Variants in GRTP1 observed in about 807,000 individuals in gnomAD.
The protein encoded by GRTP1 is growth hormone-regulated TBC protein 1.
Under a neutral mutation model 38.1 loss-of-function variants are expected in GRTP1, and 56 were observed. The ratio of observed to expected loss-of-function variants is 1.47; its 90% CI spans 1.19 to 1.84. The LOEUF is 1.84. Among genes scored for constraint, GRTP1 ranks in the 40% most tolerant of loss-of-function variants. The pLI is 0.00. For missense variants in GRTP1, 506 were observed against 453.9 expected, an observed-to-expected ratio of 1.11 and a Z score of -1.04; for synonymous variants, 217 against 189.5, an observed-to-expected ratio of 1.14 and a Z score of -1.19.
Position 113,324,193 on chromosome 13 carries a change from C to CA in GRTP1, c.*294dup. On this transcript the variant is annotated 3_prime_UTR_variant, in exon 8 of 8. Coordinates refer to ENST00000375431, the MANE Select transcript of GRTP1 (RefSeq NM_024719.4). ...TTCCAGTCAGCTGAGAAACTGATCACAAACACAGGTGTTGGCATACTTTAT... is the reference window on the plus strand; with the variant it reads ...TTCCAGTCAGCTGAGAAACTGATCACAAAACACAGGTGTTGGCATACTTTAT... The CA allele has an allele frequency of 2.8e-6, 1 of 359,748 alleles. No individual in the cohort carries two copies. Among genetic ancestry groups the CA allele is most frequent in the Non-Finnish European group, 4.9e-6 (1 of 204,192 alleles). The allele number at this position is 359,748 out of a possible 1,614,324, so 22.3% of individuals were successfully genotyped here.
At chr13:113,363,709 C>G in intron 2 of GRTP1, 53 bp downstream of exon 2, 7 of 1,402,768 alleles carry the variant, frequency 5.0e-6, no homozygotes, top group Middle Eastern at 2.6e-4. Context: ...CCCGGCCCGT[C>G]CCAGCCCAAC....
intron 5 of GRTP1, among the ~76,000 whole-genome samples, chr13:113,341,654 TTC>T (rs1360102344): frequency 6.6e-6 from 1 of 152,370 alleles, no homozygotes; most frequent in Middle Eastern, 3.4e-3. Context: ...TTATCTTTTC[TTC>T]TGTTTCTCTG....
intron 5 of GRTP1, among the ~76,000 whole-genome samples, chr13:113,332,143 C>G (rs531631667): frequency 6.6e-6 from 1 of 152,190 alleles, no homozygotes; most frequent in East Asian, 2.0e-4. Flanking sequence ...AAGAACTGCA[C>G]AAAGAACCCC....
At position 113,346,215 on chromosome 13, in the gene GRTP1, TCTGTGGCTGAGAACAGACCCGGGAGGAC is replaced by T. The variant is rs2043122918; in HGVS notation, c.466-1284_466-1257del. On this transcript the variant is annotated intron_variant, in intron 4 of 7. Coordinates refer to ENST00000375431, the MANE Select transcript of GRTP1 (RefSeq NM_024719.4). Reference sequence around the variant, plus strand: ...GGCTGAGAGCAGACCCGGGAGGACCTCTGTGGCTGAGAACAGACCCGGGAGGACCTCTGTGGCCGAGAGCAGATCCGGG... The same window carrying T: ...GGCTGAGAGCAGACCCGGGAGGACCTCTCTGTGGCCGAGAGCAGATCCGGG... Among the ~76,000 whole-genome samples, 24 of 132,664 alleles carry T rather than the reference TCTGTGGCTGAGAACAGACCCGGGAGGAC, an allele frequency of 1.8e-4. 1 individual carries two copies. The highest frequency in any genetic ancestry group is 4.0e-3 in the Middle Eastern group (1 of 252). The allele number at this position is 132,664 out of a possible 152,430, so 87.0% of individuals were successfully genotyped here.
intron 2 of GRTP1, among the ~76,000 whole-genome samples, chr13:113,356,307 G>GC (rs2139524060): frequency 6.6e-6 from 1 of 151,398 alleles, no homozygotes; most frequent in African/African-American, 2.4e-5. Flanking sequence ...TTGTTCTGTC[G>GC]CCCAGGCTGG....
In GRTP1 at chr13:113,349,414, A is replaced by G. The variant is rs2043222410; in HGVS notation, c.465+1435T>C. Among the ~76,000 whole-genome samples the G allele has an allele frequency of 6.6e-6, 1 of 152,244 alleles. No homozygotes were observed. Among genetic ancestry groups the G allele is most frequent in the Admixed American group, 6.5e-5 (1 of 15,274 alleles). Reference sequence around the variant, plus strand: ...CCACCTTGCCCAGGCTGGTGTATGCATTTTAATAAAGCTGTTTTTAAAACA... The same window carrying G: ...CCACCTTGCCCAGGCTGGTGTATGCGTTTTAATAAAGCTGTTTTTAAAACA... On this transcript the variant is annotated intron_variant, in intron 4 of 7. Coordinates refer to ENST00000375431, the MANE Select transcript of GRTP1 (RefSeq NM_024719.4). This position sits in a 1 kb window ranked among gnomAD's most constrained non-coding sequence, Gnocchi z 5.0.
At chr13:113,362,201 G>A (rs1031866250) in intron 2 of GRTP1, among the ~76,000 whole-genome samples, 8 of 131,332 alleles carry the variant, frequency 6.1e-5, no homozygotes, top group African/African-American at 2.2e-4. Flanking sequence ...GTAGTGGTGT[G>A]CACCTGTAAT....
chr13:113,347,995 C>G (rs1341104782), intron 4 of GRTP1, among the ~76,000 whole-genome samples: 2 of 147,512 alleles, frequency 1.4e-5, no homozygotes, highest in Admixed American at 1.4e-4. Context: ...CCTGGGAGGA[C>G]CTGTGTGGCT....
In GRTP1 at chr13:113,349,819, G is replaced by A. The variant is rs901031418; in HGVS notation, c.465+1030C>T. ...TCACTCAAACTGCATTTTCTGGTTG[G>A]TGCACGCCTGGCTCCCGGCTCCTAC... is the stretch of plus-strand genomic sequence containing the variant. On this transcript the variant is annotated intron_variant, in intron 4 of 7. Transcript: ENST00000375431. The surrounding 1 kb of genome is among the most constrained non-coding windows in gnomAD (Gnocchi z 5.0). Among the ~76,000 whole-genome samples, 1 of 152,180 alleles carries A rather than the reference G, an allele frequency of 6.6e-6. No individual in the cohort carries two copies. Among genetic ancestry groups the A allele is most frequent in the Non-Finnish European group, 1.5e-5 (1 of 68,038 alleles).
chr13:113,356,164 G>A (rs889503412), intron 2 of GRTP1, among the ~76,000 whole-genome samples: 24 of 152,158 alleles, frequency 1.6e-4, no homozygotes, highest in African/African-American at 5.8e-4. Flanking sequence ...TAAGTCCAAA[G>A]CTGCGACACT....
At position 113,343,667 on chromosome 13, in the gene GRTP1, C is replaced by T. The variant is rs1042259761; in HGVS notation, c.562+1196G>A. 1.3e-5 allele frequency among the ~76,000 whole-genome samples: 2 copies of T among 152,194 alleles called. No homozygotes were observed. Among genetic ancestry groups the T allele is most frequent in the African/African-American group, 4.8e-5 (2 of 41,446 alleles). ...TGGAAATGGGGTGGGTGACTGTGTC[C>T]GTGTGGTGTGGCTGTTCTGAGGACA... On this transcript the variant is annotated intron_variant, in intron 5 of 7. Transcript: ENST00000375431. The surrounding 1 kb of genome is among the most constrained non-coding windows in gnomAD (Gnocchi z 4.8).
At chr13:113,339,681 C>T (rs2043000693) in intron 5 of GRTP1, 1 of 152,304 alleles carries the variant, frequency 6.6e-6, no homozygotes, top group Non-Finnish European at 1.5e-5. Flanking sequence ...TTCCATTGGT[C>T]TGTTTATCCA....
Position 113,342,617 on chromosome 13 carries a change from G to T in GRTP1, c.562+2246C>A, listed in dbSNP as rs1566425489. Reference sequence around the variant, plus strand: ...AGCAGGATAACAGTGGCACTGAAACGACCTAGTTTGGGTAACTATAACTTC... The same window carrying T: ...AGCAGGATAACAGTGGCACTGAAACTACCTAGTTTGGGTAACTATAACTTC... On this transcript the variant is annotated intron_variant, in intron 5 of 7. Coordinates refer to ENST00000375431, the MANE Select transcript of GRTP1 (RefSeq NM_024719.4). The surrounding 1 kb of genome is among the most constrained non-coding windows in gnomAD (Gnocchi z 4.5). Among the ~76,000 whole-genome samples, 1 of 142,392 alleles carries T rather than the reference G, an allele frequency of 7.0e-6. No homozygotes were observed. The highest frequency in any genetic ancestry group is 1.5e-5 in the Non-Finnish European group (1 of 65,812). 93.4% of individuals were successfully genotyped at this position (142,392 alleles called of 152,430 possible).
At chr13:113,353,341 G>A (rs950894884) in intron 3 of GRTP1, among the ~76,000 whole-genome samples, 11 of 152,274 alleles carry the variant, frequency 7.2e-5, no homozygotes, top group South Asian at 2.1e-4. Context: ...CATAACAGCC[G>A]TGCGGCAGGA....
chr13:113,340,880 G>T (rs1257212056), intron 5 of GRTP1, among the ~76,000 whole-genome samples: 5 of 152,120 alleles, frequency 3.3e-5, no homozygotes, highest in Admixed American at 6.5e-5. Context: ...GTGTGTCCAT[G>T]CACACACCCA....
intron 7 of GRTP1, chr13:113,325,224 T>G: frequency 8.6e-7 from 1 of 1,156,818 alleles, no homozygotes; most frequent in Non-Finnish European, 1.1e-6. Flanking sequence ...CCACTCCCTC[T>G]TAGGAAACTA....
At chr13:113,326,196 C>G (rs1314139263) in intron 5 of GRTP1, 105 bp from the exon 6 acceptor site, 7 of 1,398,050 alleles carry the variant, frequency 5.0e-6, no homozygotes, top group African/African-American at 4.3e-5. Flanking sequence ...CTGGGAGGAC[C>G]CCTCCCAAGA....
intron 5 of GRTP1, among the ~76,000 whole-genome samples, chr13:113,329,130 T>C (rs1472347814): frequency 6.6e-6 from 1 of 152,202 alleles, no homozygotes; most frequent in Non-Finnish European, 1.5e-5. Flanking sequence ...CATTATTCAG[T>C]CTTCGGCCAG....
chr13:113,333,719 G>A (rs1397035093), intron 5 of GRTP1, among the ~76,000 whole-genome samples: 1 of 151,738 alleles, frequency 6.6e-6, no homozygotes, highest in Non-Finnish European at 1.5e-5. Context: ...TGTCCAGGCT[G>A]CTCTTGAGCA....
Sources: gnomAD v4.1 joint callset for allele counts (sites outside exome capture counted in the v4.1 genomes callset) on GRCh38, gnomAD v4.1.1 for gene constraint, Gnocchi (gnomAD v3.1) non-coding constraint, MANE v1.5 for transcripts, NCBI Gene and HGNC (gene_info 2026-07-23, HGNC 2026-07-21) for gene names.